DPP6: variants seen among roughly 807,000 people sequenced by gnomAD.
The protein encoded by DPP6 is A-type potassium channel modulatory protein DPP6.
In DPP6, 69 loss-of-function variants were observed where a neutral mutation model predicts 122.6. The ratio of observed to expected loss-of-function variants is 0.56; its 90% CI spans 0.46 to 0.69. The LOEUF is 0.69. DPP6 is among the 30% of genes least tolerant of loss of function. The probability of loss-of-function intolerance (pLI) is 0.00; values close to 1 mark genes in which losing one functional copy is unlikely to be tolerated. For synonymous variants in DPP6, 418 were observed against 433.1 expected (o/e 0.97, Z 0.43); for missense variants, 928 against 1,116.9 (o/e 0.83, Z 2.41).
At chr7:154,500,686 G>C (rs1825162538) in intron 3 of DPP6, among the ~76,000 whole-genome samples, 1 of 152,218 alleles carries the variant, frequency 6.6e-6, no homozygotes, top group Non-Finnish European at 1.5e-5. Flanking sequence ...GGAACTGTAA[G>C]TCCAATAAAC....
intron 7 of DPP6, 25 bp from the exon 8 acceptor site, chr7:154,727,742 A>G (rs1487025608): frequency 2.5e-6 from 4 of 1,589,948 alleles, no homozygotes; most frequent in South Asian, 1.2e-5. Flanking sequence ...GCTTAATATT[A>G]TGCTTTTTTC....
At chr7:154,878,982 T>C (rs1563315608) in intron 20 of DPP6, among the ~76,000 whole-genome samples, 1 of 152,218 alleles carries the variant, frequency 6.6e-6, no homozygotes, top group African/African-American at 2.4e-5. Flanking sequence ...AAGTGAAAGA[T>C]ACTGAAAACA....
chr7:153,834,674 T>C, the DPP6 span, among the ~76,000 whole-genome samples: 280 of 152,338 alleles, frequency 1.8e-3, 4 homozygotes, highest in Middle Eastern at 6.8e-3. Flanking sequence ...CATCATTTTA[T>C]AGTTGAGTAA....
rs559422412 is a variant in DPP6 at position 154,275,908 on chromosome 7, G to A, written c.244-170306G>A. Among the ~76,000 whole-genome samples, 5 of 152,312 alleles carry A rather than the reference G, an allele frequency of 3.3e-5. No individual in the cohort carries two copies. The East Asian group carries it at 9.6e-4, about 29-fold the overall frequency. On this transcript the variant is annotated intron_variant, in intron 1 of 25. Coordinates refer to ENST00000377770, the MANE Select transcript of DPP6 (RefSeq NM_130797.4). Reference sequence around the variant, plus strand: ...CCTTCCCACTGCACCAGCCCCTCCGGCTCCAAATCAAATAGCTCTGAATTC... The same window carrying A: ...CCTTCCCACTGCACCAGCCCCTCCGACTCCAAATCAAATAGCTCTGAATTC...
intron 1 of DPP6, among the ~76,000 whole-genome samples, chr7:154,132,689 C>T (rs1280488210): frequency 2.0e-5 from 3 of 152,056 alleles, no homozygotes; most frequent in East Asian, 1.9e-4. Flanking sequence ...TTTCCACTGC[C>T]TAAAGGATAA....
At chr7:154,066,607 G>T (rs1802746719) in intron 1 of DPP6, among the ~76,000 whole-genome samples, 2 of 152,076 alleles carry the variant, frequency 1.3e-5, no homozygotes, top group African/African-American at 2.4e-5. Context: ...ACCTTCAAGG[G>T]TGCTAGAGTT....
At chr7:154,749,776 G>T in intron 8 of DPP6, among the ~76,000 whole-genome samples, 1 of 87,296 alleles carries the variant, frequency 1.1e-5, no homozygotes, top group African/African-American at 4.4e-5. Context: ...TACTGAGAGA[G>T]GGTGAGAGAG....
At chr7:154,042,490 T>C (rs1016227853) in intron 1 of DPP6, among the ~76,000 whole-genome samples, 5 of 152,184 alleles carry the variant, frequency 3.3e-5, no homozygotes, top group African/African-American at 4.8e-5. Flanking sequence ...AATGTCAAGC[T>C]TTTCTCAGTG....
intron 1 of DPP6, among the ~76,000 whole-genome samples, chr7:154,424,045 C>T (rs1182538573): frequency 1.3e-5 from 2 of 152,110 alleles, no homozygotes; most frequent in Non-Finnish European, 2.9e-5. Context: ...AATTTTTTGA[C>T]TCTTCCCAAT....
rs759582458 is a variant in DPP6 at position 154,698,136 on chromosome 7, T to G, written c.762+28695T>G. On this transcript the variant is annotated intron_variant, in intron 7 of 25. Coordinates refer to ENST00000377770, the MANE Select transcript of DPP6 (RefSeq NM_130797.4). ...ATTTCCAAGAATAGATGTATTTTTT[T>G]AGTTACAATTATTAGTTTTACATCC... Among the ~76,000 whole-genome samples, 53 of 152,356 alleles carry G rather than the reference T, an allele frequency of 3.5e-4. No homozygotes were observed. In the Middle Eastern group the frequency reaches 0.017, roughly 49 times the overall value.
chr7:153,814,034 C>T, the DPP6 span, among the ~76,000 whole-genome samples: 3 of 152,124 alleles, frequency 2.0e-5, no homozygotes, highest in Admixed American at 6.5e-5. Context: ...TAATTAGATC[C>T]CATTTGTCAA....
intron 1 of DPP6, among the ~76,000 whole-genome samples, chr7:154,287,569 C>T (rs1804937034): frequency 6.6e-6 from 1 of 152,198 alleles, no homozygotes; most frequent in Non-Finnish European, 1.5e-5. Flanking sequence ...AGAAGAAAAA[C>T]AGATCAACAG....
At position 154,498,032 on chromosome 7, in the gene DPP6, G is replaced by T. The variant is rs1325288708; in HGVS notation, c.457+22995G>T. On this transcript the variant is annotated intron_variant, in intron 3 of 25. Transcript: ENST00000377770. ...GAGAAGATATTCTGTCATCAGGGAA[G>T]GGGTGAAACCGAGCATGGGAGAGAA... is the stretch of plus-strand genomic sequence containing the variant. Among the ~76,000 whole-genome samples, 3 of 152,172 alleles carry T rather than the reference G, an allele frequency of 2.0e-5. 1 individual carries two copies. The South Asian group carries it at 6.2e-4, about 32-fold the overall frequency.
chr7:154,579,601 GGCA>G (rs1831911148), intron 5 of DPP6, among the ~76,000 whole-genome samples: 1 of 152,198 alleles, frequency 6.6e-6, no homozygotes, highest in African/African-American at 2.4e-5. Context: ...GCCTGCCATT[GGCA>G]AGCTTGCACC....
chr7:153,988,326 A>G (rs1398605988), intron 1 of DPP6, among the ~76,000 whole-genome samples: 2 of 151,932 alleles, frequency 1.3e-5, no homozygotes, highest in East Asian at 1.9e-4. Flanking sequence ...GTGGATGGCA[A>G]TGGCCAGGAT....
chr7:154,300,245 A>C (rs1805817578), intron 1 of DPP6, among the ~76,000 whole-genome samples: 1 of 152,130 alleles, frequency 6.6e-6, no homozygotes, highest in Non-Finnish European at 1.5e-5. Context: ...GACTACAGAG[A>C]AGACCCGTCT....
At chr7:154,654,353 A>T (rs1321518693) in intron 6 of DPP6, among the ~76,000 whole-genome samples, 2 of 142,174 alleles carry the variant, frequency 1.4e-5, no homozygotes, top group African/African-American at 5.0e-5. Context: ...GGCCACCCCG[A>T]TCCATCTTTA....
chr7:154,722,709 T>C (rs1586958428), intron 7 of DPP6, among the ~76,000 whole-genome samples: 1 of 152,174 alleles, frequency 6.6e-6, no homozygotes, highest in South Asian at 2.1e-4. Flanking sequence ...GGATGGTGCG[T>C]GGACTAATCC....
chr7:154,511,056 C>T (rs941108819), intron 3 of DPP6, among the ~76,000 whole-genome samples: 2 of 151,992 alleles, frequency 1.3e-5, no homozygotes, highest in African/African-American at 4.8e-5. Context: ...CTTGCATGTT[C>T]TCCAGTAAGG....
Sources: gnomAD v4.1 joint callset for allele counts (sites outside exome capture counted in the v4.1 genomes callset) on GRCh38, gnomAD v4.1.1 for gene constraint, MANE v1.5 for transcripts, NCBI Gene and HGNC (gene_info 2026-07-23, HGNC 2026-07-21) for gene names.